Variants in CCDC93 observed in about 807,000 individuals in gnomAD.
CCDC93 encodes the protein CCC complex scaffolding subunit CCDC93, also known as coiled-coil domain-containing protein 93.
In CCDC93, 61 loss-of-function variants were observed where a neutral mutation model predicts 108.2. The observed-to-expected ratio is 0.56, with a 90% CI of 0.46 to 0.70. The LOEUF is 0.70. CCDC93 is among the 30% of genes least tolerant of loss of function. CCDC93 has a pLI of 0.00. For missense variants in CCDC93, 685 were observed against 764.2 expected (o/e 0.90, Z 1.22); for synonymous variants, 276 against 260.4 (o/e 1.06, Z -0.58).
At chr2:117,976,934 CTTTTTTTTT>C (rs34472456) in intron 8 of CCDC93, among the ~76,000 whole-genome samples, 1 of 118,260 alleles carries the variant, frequency 8.5e-6, no homozygotes, top group Non-Finnish European at 1.8e-5. Flanking sequence ...AATAACCAAT[CTTTTTTTTT>C]TTTTTTTTTT....
intron 22 of CCDC93, among the ~76,000 whole-genome samples, chr2:117,932,753 C>T (rs928301424): frequency 1.3e-5 from 2 of 152,190 alleles, no homozygotes; most frequent in East Asian, 1.9e-4. Flanking sequence ...CTGACACCCA[C>T]TCATGATCCT....
chr2:117,996,371 GA>G lies in CCDC93; in HGVS notation c.364-10del. ...GCTCGTTTCACCAGCCACTGGGGAA[GA>G]AAGTGAAAAGACAAGAGTTGCTAAG... On this transcript the variant is annotated splice_polypyrimidine_tract_variant and intron_variant, in intron 4 of 23. Transcript: ENST00000376300. 3 of 1,599,622 alleles carry G rather than the reference GA, an allele frequency of 1.9e-6. No individual in the cohort carries two copies. Among genetic ancestry groups the G allele is most frequent in the Non-Finnish European group, 2.6e-6 (3 of 1,167,026 alleles).
intron 16 of CCDC93, 111 bp downstream of exon 16, chr2:117,946,700 T>C (rs1383078305): frequency 1.1e-5 from 8 of 705,534 alleles, no homozygotes; most frequent in African/African-American, 1.1e-4. Context: ...AGTTGAGGAA[T>C]GTCTATTTAC....
At chr2:117,955,822 T>C (rs1679199798) in intron 12 of CCDC93, among the ~76,000 whole-genome samples, 1 of 152,212 alleles carries the variant, frequency 6.6e-6, no homozygotes, top group African/African-American at 2.4e-5. Context: ...AACTCAATTT[T>C]GTAACCATAC....
intron 19 of CCDC93, among the ~76,000 whole-genome samples, chr2:117,940,610 G>A (rs530199054): frequency 6.6e-6 from 1 of 152,314 alleles, no homozygotes; most frequent in African/African-American, 2.4e-5. Context: ...TGTGGCTAGG[G>A]GACTTGGAGG....
intron 23 of CCDC93, among the ~76,000 whole-genome samples, chr2:117,926,317 A>G (rs1678093560): frequency 2.6e-5 from 4 of 151,742 alleles, no homozygotes; most frequent in African/African-American, 7.3e-5. Context: ...TCAAAAAATC[A>G]ATGAATCCAG....
intron 15 of CCDC93, 47 bp from the exon 16 acceptor site, chr2:117,946,929 T>TA: frequency 7.8e-7 from 1 of 1,274,136 alleles, no homozygotes; most frequent in Non-Finnish European, 1.1e-6. Flanking sequence ...AAGGAGTAAT[T>TA]AGACGCAATT....
At chr2:117,964,525 A>C (rs1019423157) in intron 11 of CCDC93, among the ~76,000 whole-genome samples, 1 of 152,204 alleles carries the variant, frequency 6.6e-6, no homozygotes, top group Non-Finnish European at 1.5e-5. Context: ...CAAACGAAAC[A>C]GTGCTTGAGG....
chr2:117,980,333 G>A (rs1318309130), intron 7 of CCDC93, among the ~76,000 whole-genome samples: 1 of 152,150 alleles, frequency 6.6e-6, no homozygotes, highest in African/African-American at 2.4e-5. Flanking sequence ...CTCCTATAGT[G>A]TCCTTGCATC....
chr2:117,944,640 G>T (rs1322897662), intron 17 of CCDC93: 1 of 452,994 alleles, frequency 2.2e-6, no homozygotes, highest in Admixed American at 2.4e-5. Flanking sequence ...TGGCTGGATG[G>T]TTTGTCGCCT....
chr2:117,989,451 A>G (rs1247665460), intron 6 of CCDC93, among the ~76,000 whole-genome samples: 2 of 152,190 alleles, frequency 1.3e-5, no homozygotes, highest in East Asian at 1.9e-4. Context: ...GAAAGCTTAT[A>G]TATGCTACTG....
At chr2:117,961,877 T>C (rs1573492002) in intron 11 of CCDC93, among the ~76,000 whole-genome samples, 1 of 152,352 alleles carries the variant, frequency 6.6e-6, no homozygotes, top group East Asian at 1.9e-4. Context: ...ATCAACCATC[T>C]ACAAATATTC....
intron 5 of CCDC93, 62 bp downstream of exon 5, chr2:117,996,202 G>T (rs770542210): frequency 9.0e-7 from 1 of 1,115,032 alleles, no homozygotes; most frequent in Non-Finnish European, 1.4e-6. Context: ...CCTTGCTAGA[G>T]AGTCTCTTAA....
In CCDC93 at chr2:117,948,098, C is replaced by G. The variant is rs1363606632; in HGVS notation, c.1224+7G>C. The G allele has an allele frequency of 6.2e-7, 1 of 1,606,414 alleles. No homozygotes were observed. On this transcript the variant is annotated splice_region_variant and intron_variant, in intron 15 of 23. Coordinates refer to ENST00000376300, the MANE Select transcript of CCDC93 (RefSeq NM_019044.5). ...TGGTTTATTTGCTGACACCAAACAACACTTACTCGACAATGTGCTTTAAAT... is the reference window on the plus strand; with the variant it reads ...TGGTTTATTTGCTGACACCAAACAAGACTTACTCGACAATGTGCTTTAAAT...
At chr2:117,953,778 C>T (rs7589588) in intron 12 of CCDC93, among the ~76,000 whole-genome samples, 9,417 of 151,428 alleles carry the variant, frequency 0.062, 316 homozygotes, top group Middle Eastern at 0.15. Flanking sequence ...CCTGTGGTCC[C>T]GACTATGTGG....
chr2:117,925,185 C>G (rs1444746509), intron 23 of CCDC93, among the ~76,000 whole-genome samples: 7 of 152,144 alleles, frequency 4.6e-5, no homozygotes, highest in African/African-American at 1.7e-4. Context: ...TTGTAAAGAC[C>G]ATTGAGGCTA....
chr2:117,982,185 T>A (rs1369290834), intron 7 of CCDC93, among the ~76,000 whole-genome samples: 1 of 134,836 alleles, frequency 7.4e-6, no homozygotes, highest in Non-Finnish European at 1.6e-5. Flanking sequence ...AGGCTTTGAA[T>A]ACTGAGGAAT....
At chr2:117,965,615 T>C (rs1286862954) in intron 11 of CCDC93, among the ~76,000 whole-genome samples, 3 of 152,210 alleles carry the variant, frequency 2.0e-5, no homozygotes, top group Non-Finnish European at 4.4e-5. Flanking sequence ...CTTCAAATGA[T>C]AACACAAACC....
chr2:117,978,538 A>G (rs1484151367), intron 7 of CCDC93, among the ~76,000 whole-genome samples: 1 of 152,192 alleles, frequency 6.6e-6, no homozygotes, highest in African/African-American at 2.4e-5. Context: ...AACACAATTC[A>G]GTTTCAAGTA....
Sources: allele counts gnomAD v4.1 joint callset (sites outside exome capture counted in the v4.1 genomes callset), GRCh38; gene constraint gnomAD v4.1.1; transcripts MANE v1.5; gene names NCBI Gene and HGNC (gene_info 2026-07-23, HGNC 2026-07-21).